Variants in FARP1 observed in about 807,000 individuals in gnomAD.
The protein encoded by FARP1 is FERM, ARH/RhoGEF and pleckstrin domain protein 1, also known as FERM, ARHGEF and pleckstrin domain-containing protein 1.
In FARP1, 52 loss-of-function variants were observed where a neutral mutation model predicts 128.8. That is an observed-to-expected ratio of 0.40 (90% CI 0.32 to 0.51). The LOEUF is 0.51. Among genes scored for constraint, FARP1 ranks in the 20% least tolerant of loss-of-function variants. The pLI is 0.45. For synonymous variants in FARP1, 580 were observed against 551.8 expected (o/e 1.05, Z -0.72); for missense variants, 1,333 against 1,367.9 (o/e 0.97, Z 0.40).
At chr13:98,228,031 A>G (rs1225876503) in intron 2 of FARP1, among the ~76,000 whole-genome samples, 2 of 152,202 alleles carry the variant, frequency 1.3e-5, no homozygotes, top group African/African-American at 4.8e-5. Context: ...CAACAATGCG[A>G]ATATACCTAG....
rs752469865 is a variant in FARP1 at position 98,440,226 on chromosome 13, C to G, written c.2620C>G (p.Pro874Ala). Residue 874 changes from proline (P) to alanine (A), a missense_variant, in exon 23 of 27, where the codon CCT becomes GCT. Physicochemically the swap from Pro to Ala is conservative, Grantham distance 27. This residue lies in a region of FARP1 where 1,009 missense variants were observed against 969.8 expected (regional missense o/e 1.04). Coordinates refer to ENST00000319562, the MANE Select transcript of FARP1 (RefSeq NM_005766.4). ...PAPEFLASSPPDNKSPDEATA... is the reference protein window; with the variant it reads ...PAPEFLASSPADNKSPDEATA... The stretch of plus-strand genomic sequence containing the variant: ...CCCTGAGTTCCTGGCCAGCAGCCCC[C>G]CTGACAACAGTGAGTGTGGCCAGGG... 3.1e-6 allele frequency: 5 copies of G among 1,612,798 alleles called. No individual in the cohort carries two copies. Among genetic ancestry groups the G allele is most frequent in the Non-Finnish European group, 4.2e-6 (5 of 1,178,976 alleles).
chr13:98,282,505 A>G (rs1884980889), intron 2 of FARP1, among the ~76,000 whole-genome samples: 1 of 152,184 alleles, frequency 6.6e-6, no homozygotes, highest in African/African-American at 2.4e-5. Flanking sequence ...ATAATAATGG[A>G]TGTTTGATAA....
intron 3 of FARP1, among the ~76,000 whole-genome samples, chr13:98,358,117 G>A (rs1174487186): frequency 1.3e-5 from 2 of 150,146 alleles, no homozygotes; most frequent in African/African-American, 4.9e-5. Flanking sequence ...ACACATTCAA[G>A]GATAACCCCC....
intron 2 of FARP1, among the ~76,000 whole-genome samples, chr13:98,222,361 G>C (rs1881462427): frequency 6.6e-6 from 1 of 152,202 alleles, no homozygotes; most frequent in Non-Finnish European, 1.5e-5. Context: ...ATTGTGCCAA[G>C]TCTGCCCGTA....
At chr13:98,215,021 G>A (rs1445239607) in intron 2 of FARP1, among the ~76,000 whole-genome samples, 1 of 152,160 alleles carries the variant, frequency 6.6e-6, no homozygotes, top group Non-Finnish European at 1.5e-5. Flanking sequence ...GTTTCTGAGT[G>A]GGTTGGACTG....
intron 1 of FARP1, among the ~76,000 whole-genome samples, chr13:98,147,701 G>A (rs184522848): frequency 2.0e-5 from 3 of 151,874 alleles, no homozygotes; most frequent in East Asian, 1.9e-4. Flanking sequence ...AAAAAAACTC[G>A]AGGCTGGAGT....
At chr13:98,169,692 A>G (rs1335234989) in intron 1 of FARP1, among the ~76,000 whole-genome samples, 2 of 152,348 alleles carry the variant, frequency 1.3e-5, no homozygotes, top group Middle Eastern at 3.4e-3. Context: ...GTCTTCTAAC[A>G]TATTTTGGAT....
chr13:98,351,437 C>T (rs530106828), intron 3 of FARP1, among the ~76,000 whole-genome samples: 87 of 152,058 alleles, frequency 5.7e-4, no homozygotes, highest in African/African-American at 1.8e-3. Flanking sequence ...AGGGTGAAAC[C>T]CCGTCTCTAC....
chr13:98,200,397 C>CCCG (rs1491442585), intron 1 of FARP1, among the ~76,000 whole-genome samples: 13 of 143,510 alleles, frequency 9.1e-5, no homozygotes, highest in African/African-American at 3.1e-4. Flanking sequence ...ACCCCCCCCC[C>CCCG]CTCCCCTTTG....
intron 2 of FARP1, among the ~76,000 whole-genome samples, chr13:98,266,425 G>A (rs1240088926): frequency 6.6e-6 from 1 of 152,118 alleles, no homozygotes; most frequent in Non-Finnish European, 1.5e-5. Flanking sequence ...TAGTGACCTT[G>A]TCCTTTGGAG....
chr13:98,176,082 G>T lies in FARP1; in HGVS notation c.-24+32590G>T. The T allele has an allele frequency of 8.3e-7, 1 of 1,211,004 alleles. No individual in the cohort carries two copies. Among genetic ancestry groups the T allele is most frequent in the Non-Finnish European group, 1.2e-6 (1 of 824,488 alleles). 75.0% of individuals were successfully genotyped at this position (1,211,004 alleles called of 1,614,324 possible). A position where few individuals can be genotyped will look rare whatever the true frequency, so the allele number is the denominator to read the frequency against. ...TCTTTTGGTTACATACTCAGGCATGGGATTGCAGGAAGACTGTCATCTCTC... is the reference window on the plus strand; with the variant it reads ...TCTTTTGGTTACATACTCAGGCATGTGATTGCAGGAAGACTGTCATCTCTC... On this transcript the variant is annotated intron_variant, in intron 1 of 26. Coordinates refer to ENST00000319562, the MANE Select transcript of FARP1 (RefSeq NM_005766.4). The surrounding 1 kb of genome is among the most constrained non-coding windows in gnomAD (Gnocchi z 6.2).
rs151188264 is a variant in FARP1 at position 98,316,667 on chromosome 13, G to A, written c.172-27095G>A. Among the ~76,000 whole-genome samples the A allele has an allele frequency of 1.7e-4, 26 of 152,320 alleles. 1 individual carries two copies. The East Asian group carries it at 4.5e-3, about 26-fold the overall frequency. ...CAGCTAAAGTTTTTATTTGTAACTA[G>A]TGGATGCCAGAACACTGCGTTGCAA... On this transcript the variant is annotated intron_variant, in intron 2 of 26. Transcript: ENST00000319562.
intron 1 of FARP1, among the ~76,000 whole-genome samples, chr13:98,158,146 CTG>C (rs1594210556): frequency 6.6e-6 from 1 of 152,212 alleles, no homozygotes; most frequent in African/African-American, 2.4e-5. Context: ...TTGAACTTCT[CTG>C]TATTTTCTAA....
chr13:98,183,074 T>C (rs796873912), intron 1 of FARP1, among the ~76,000 whole-genome samples: 38 of 152,332 alleles, frequency 2.5e-4, no homozygotes, highest in African/African-American at 9.1e-4. Flanking sequence ...TGAATGGTGC[T>C]CACTTTTTGG....
At chr13:98,435,736 CG>C (rs1566318391) in intron 19 of FARP1, 30 bp downstream of exon 19, 1 of 1,611,512 alleles carries the variant, frequency 6.2e-7, no homozygotes. Context: ...CTATGCACTG[CG>C]CGGGGAGCAG....
chr13:98,267,942 ATCT>A (rs66818121), intron 2 of FARP1, among the ~76,000 whole-genome samples: 59,125 of 151,954 alleles, frequency 0.39, 11,824 homozygotes, highest in South Asian at 0.53. Context: ...ACTTAAAAAA[ATCT>A]TCTAAAATTG....
intron 2 of FARP1, among the ~76,000 whole-genome samples, chr13:98,307,778 C>A (rs1164509884): frequency 1.3e-5 from 2 of 151,996 alleles, no homozygotes; most frequent in Non-Finnish European, 2.9e-5. Flanking sequence ...ACGTTTCTGT[C>A]TTTCTCCCTC....
intron 2 of FARP1, among the ~76,000 whole-genome samples, chr13:98,251,871 G>A (rs1566795351): frequency 6.6e-6 from 1 of 152,110 alleles, no homozygotes; most frequent in Non-Finnish European, 1.5e-5. Context: ...TTTTGAGATG[G>A]TGTCTCATTC....
intron 2 of FARP1, among the ~76,000 whole-genome samples, chr13:98,307,983 T>G (rs1458693214): frequency 6.6e-6 from 1 of 150,498 alleles, no homozygotes; most frequent in South Asian, 2.1e-4. Context: ...TTGAACAGGC[T>G]GCCCCTGGCC....
Sources: gnomAD v4.1 joint callset for allele counts (sites outside exome capture counted in the v4.1 genomes callset) on GRCh38, gnomAD v4.1.1 for gene constraint, gnomAD v4.1.1 regional missense constraint, Gnocchi (gnomAD v3.1) non-coding constraint, MANE v1.5 for transcripts, NCBI Gene and HGNC (gene_info 2026-07-23, HGNC 2026-07-21) for gene names.